The following PGM5 variants were observed in gnomAD, a reference collection of about 807,000 sequenced individuals.
PGM5 encodes the protein phosphoglucomutase 5.
Under a neutral mutation model 59.2 loss-of-function variants are expected in PGM5, and 23 were observed. The ratio of observed to expected loss-of-function variants is 0.39; its 90% CI spans 0.28 to 0.55. The LOEUF (loss-of-function observed/expected upper bound fraction) is 0.55. PGM5 is among the 20% of genes least tolerant of loss of function. PGM5 has a pLI of 0.66. For synonymous variants in PGM5, 214 were observed against 286.0 expected (o/e 0.75, Z 2.54); for missense variants, 574 against 748.3 (o/e 0.77, Z 2.72).
At chr9:68,411,355 C>T (rs1406922878) in intron 6 of PGM5, among the ~76,000 whole-genome samples, 31 of 149,842 alleles carry the variant, frequency 2.1e-4, no homozygotes, top group African/African-American at 5.9e-4. Context: ...AGACATACAG[C>T]GACCCTATCT....
chr9:68,416,878 T>TATA (rs1823041300), intron 6 of PGM5, among the ~76,000 whole-genome samples: 1 of 152,224 alleles, frequency 6.6e-6, no homozygotes, highest in African/African-American at 2.4e-5. Flanking sequence ...GGAACTCTAT[T>TATA]GAGAAAAGAC....
chr9:68,381,556 C>A (rs1247488827), intron 2 of PGM5, among the ~76,000 whole-genome samples: 3 of 151,488 alleles, frequency 2.0e-5, no homozygotes, highest in Non-Finnish European at 4.4e-5. Flanking sequence ...AAAAGTCATC[C>A]AAATTGGAAA....
At chr9:68,402,203 G>T (rs540927520) in intron 6 of PGM5, among the ~76,000 whole-genome samples, 34 of 152,244 alleles carry the variant, frequency 2.2e-4, no homozygotes, top group African/African-American at 8.2e-4. Flanking sequence ...GGCAGAGCTT[G>T]CAGTGAGCTG....
At chr9:68,393,467 C>A (rs191222481) in intron 6 of PGM5, among the ~76,000 whole-genome samples, 1 of 144,758 alleles carries the variant, frequency 6.9e-6, no homozygotes, top group Non-Finnish European at 1.5e-5. Flanking sequence ...AAATTTTGGC[C>A]GGGCGTGGCG....
chr9:68,399,588 A>T (rs561148634), intron 6 of PGM5, among the ~76,000 whole-genome samples: 1 of 150,744 alleles, frequency 6.6e-6, no homozygotes, highest in African/African-American at 2.4e-5. Context: ...TGCTTGAGAA[A>T]TTTGGGAGTT....
intron 8 of PGM5, among the ~76,000 whole-genome samples, chr9:68,480,171 G>A (rs1824174006): frequency 6.6e-6 from 1 of 152,224 alleles, no homozygotes; most frequent in South Asian, 2.1e-4. Context: ...TATCATGGCT[G>A]TGAGAGCCGT....
chr9:68,487,836 T>C (rs1824322465), intron 9 of PGM5, among the ~76,000 whole-genome samples: 1 of 152,228 alleles, frequency 6.6e-6, no homozygotes, highest in Non-Finnish European at 1.5e-5. Context: ...GAGCAATGGT[T>C]GGGTGTGCAG....
At chr9:68,389,194 A>T (rs570428479) in intron 4 of PGM5, among the ~76,000 whole-genome samples, 1 of 152,162 alleles carries the variant, frequency 6.6e-6, no homozygotes, top group East Asian at 1.9e-4. Flanking sequence ...TCTTGTAAAA[A>T]CGCATCCTAG....
intron 10 of PGM5, among the ~76,000 whole-genome samples, chr9:68,518,307 A>G (rs1229281318): frequency 6.6e-6 from 1 of 152,226 alleles, no homozygotes; most frequent in Non-Finnish European, 1.5e-5. Context: ...GAAGGAAACT[A>G]ACAATATTCT....
chr9:68,450,469 A>T (rs1158733314), intron 6 of PGM5, among the ~76,000 whole-genome samples: 5 of 152,072 alleles, frequency 3.3e-5, no homozygotes, highest in African/African-American at 7.2e-5. Context: ...AGCTCCCCCA[A>T]CTCAGAATGT....
At chr9:68,486,705 A>G (rs1564018908) in intron 9 of PGM5, among the ~76,000 whole-genome samples, 1 of 152,102 alleles carries the variant, frequency 6.6e-6, no homozygotes, top group Non-Finnish European at 1.5e-5. Flanking sequence ...AGGTATTTCC[A>G]CTTTTTGACT....
At chr9:68,456,055 T>C (rs1331742414) in intron 6 of PGM5, among the ~76,000 whole-genome samples, 4 of 152,184 alleles carry the variant, frequency 2.6e-5, no homozygotes, top group African/African-American at 9.7e-5. Context: ...CTTTCACATA[T>C]AGTGTGGTAA....
intron 6 of PGM5, among the ~76,000 whole-genome samples, chr9:68,450,142 G>T (rs573699075): frequency 6.6e-6 from 1 of 152,276 alleles, no homozygotes; most frequent in African/African-American, 2.4e-5. Context: ...TATTAAAATT[G>T]TGAATAGAGA....
At chr9:68,376,765 A>ATTTC (rs71353048) in intron 1 of PGM5, among the ~76,000 whole-genome samples, 6,268 of 96,570 alleles carry the variant, frequency 0.065, 423 homozygotes, top group Non-Finnish European at 0.078. Context: ...GAGGTTCTGC[A>ATTTC]TTTCTTTCTT....
At chr9:68,455,183 T>C (rs1241899464) in intron 6 of PGM5, among the ~76,000 whole-genome samples, 1 of 152,118 alleles carries the variant, frequency 6.6e-6, no homozygotes, top group Non-Finnish European at 1.5e-5. Flanking sequence ...AGTTACACGA[T>C]GAAATGAAAC....
intron 6 of PGM5, among the ~76,000 whole-genome samples, chr9:68,443,180 A>T (rs1252703842): frequency 6.6e-6 from 1 of 152,270 alleles, no homozygotes; most frequent in African/African-American, 2.4e-5. Flanking sequence ...ACAATGGAAT[A>T]CTACTCAGCA....
intron 6 of PGM5, among the ~76,000 whole-genome samples, chr9:68,460,819 C>G (rs1007038040): frequency 2.6e-5 from 4 of 152,126 alleles, no homozygotes; most frequent in African/African-American, 9.7e-5. Flanking sequence ...TGAAGACATA[C>G]AAGATGCAAT....
chr9:68,376,864 T>TCTTTCTTTTCTTTC lies in PGM5; in HGVS notation c.262-1335_262-1334insCTTTCTTTTCTTTC, dbSNP rs1554677806. ...CTTTCTTTCTTTCTCTTTCTTTCTT[T>TCTTTCTTTTCTTTC]TTTCTTTCTCTTTCTTTCTTTTTTT... On this transcript the variant is annotated intron_variant, in intron 1 of 10. Transcript: ENST00000396396. Among the ~76,000 whole-genome samples the TCTTTCTTTTCTTTC allele has an allele frequency of 9.8e-4, 113 of 115,300 alleles. 5 individuals are homozygous for TCTTTCTTTTCTTTC. The highest frequency in any genetic ancestry group is 3.7e-3 in the African/African-American group (107 of 28,724). 75.6% of individuals were successfully genotyped at this position (115,300 alleles called of 152,430 possible). A position where few individuals can be genotyped will look rare whatever the true frequency, so the allele number is the denominator to read the frequency against.
At chr9:68,486,693 T>A (rs533188762) in intron 9 of PGM5, among the ~76,000 whole-genome samples, 14 of 152,246 alleles carry the variant, frequency 9.2e-5, no homozygotes, top group Non-Finnish European at 1.5e-4. Context: ...GTTGGATGTG[T>A]GAGGTATTTC....
Sources: gnomAD v4.1 joint callset for allele counts (sites outside exome capture counted in the v4.1 genomes callset) on GRCh38, gnomAD v4.1.1 for gene constraint, MANE v1.5 for transcripts, NCBI Gene and HGNC (gene_info 2026-07-23, HGNC 2026-07-21) for gene names.